RARB: variants seen among roughly 807,000 people sequenced by gnomAD.
RARB encodes HBV-activated protein.
A neutral mutation model predicts 51.9 loss-of-function variants in RARB; 17 were observed. The observed-to-expected ratio is 0.33, with a 90% CI of 0.22 to 0.49. The LOEUF (loss-of-function observed/expected upper bound fraction) is 0.49. RARB is among the 20% of genes least tolerant of loss of function. RARB has a pLI of 0.99. For synonymous variants in RARB, 215 were observed against 195.4 expected, an observed-to-expected ratio of 1.10 and a Z score of -0.84; for missense variants, 369 against 550.8, an observed-to-expected ratio of 0.67 and a Z score of 3.30.
intron 5 of RARB, among the ~76,000 whole-genome samples, chr3:25,283,321 G>A (rs537960123): frequency 2.0e-5 from 3 of 152,322 alleles, no homozygotes; most frequent in African/African-American, 7.2e-5. Flanking sequence ...AGAGCTCTGA[G>A]AATAGCAACT....
chr3:25,173,869 T>C (rs547586552), intron 4 of RARB, among the ~76,000 whole-genome samples: 3 of 152,302 alleles, frequency 2.0e-5, no homozygotes, highest in Non-Finnish European at 4.4e-5. Flanking sequence ...CAGAGTGATA[T>C]AGTCAAATAA....
At chr3:25,055,049 C>T (rs1698409184) in intron 2 of RARB, among the ~76,000 whole-genome samples, 1 of 152,080 alleles carries the variant, frequency 6.6e-6, no homozygotes, top group Non-Finnish European at 1.5e-5. Flanking sequence ...ATTGTGACAC[C>T]GGTTTCAGAA....
chr3:24,874,404 A>G (rs1703004883), intron 2 of RARB, among the ~76,000 whole-genome samples: 1 of 152,052 alleles, frequency 6.6e-6, no homozygotes, highest in African/African-American at 2.4e-5. Context: ...AAGATTTGTT[A>G]GAATCTTCCA....
chr3:25,026,462 T>G (rs926326063), intron 2 of RARB, among the ~76,000 whole-genome samples: 1 of 152,338 alleles, frequency 6.6e-6, no homozygotes, highest in African/African-American at 2.4e-5. Context: ...TCTTGCCATG[T>G]GCTCACGTGG....
intron 5 of RARB, among the ~76,000 whole-genome samples, chr3:25,395,066 A>G (rs1286130906): frequency 6.6e-6 from 1 of 152,136 alleles, no homozygotes; most frequent in Non-Finnish European, 1.5e-5. Flanking sequence ...CAAGATTCAG[A>G]GCTCCTTTTA....
chr3:25,331,799 G>C (rs1704904916), intron 5 of RARB, among the ~76,000 whole-genome samples: 1 of 152,068 alleles, frequency 6.6e-6, no homozygotes, highest in East Asian at 1.9e-4. Flanking sequence ...AAGAAGAAAA[G>C]AGAGAAGAAT....
chr3:25,149,060 C>A (rs1700240467), intron 4 of RARB, among the ~76,000 whole-genome samples: 1 of 152,264 alleles, frequency 6.6e-6, no homozygotes, highest in South Asian at 2.1e-4. Context: ...ACATGGCCAT[C>A]CCATCACCTT....
At chr3:25,153,556 G>A (rs1700327067) in intron 4 of RARB, among the ~76,000 whole-genome samples, 1 of 152,124 alleles carries the variant, frequency 6.6e-6, no homozygotes, top group African/African-American at 2.4e-5. Flanking sequence ...TGTGCACTGG[G>A]CCAATATAAA....
chr3:24,873,985 A>AT (rs1477031778), intron 2 of RARB, among the ~76,000 whole-genome samples: 1 of 152,084 alleles, frequency 6.6e-6, no homozygotes, highest in East Asian at 1.9e-4. Context: ...CAAAATACTG[A>AT]TAAAAATATA....
At chr3:24,908,411 C>T (rs1193578970) in intron 2 of RARB, among the ~76,000 whole-genome samples, 1 of 152,086 alleles carries the variant, frequency 6.6e-6, no homozygotes, top group Non-Finnish European at 1.5e-5. Flanking sequence ...CATTGAAAGT[C>T]AATACACCTA....
At chr3:25,337,044 C>A (rs1169956543) in intron 5 of RARB, among the ~76,000 whole-genome samples, 1 of 152,138 alleles carries the variant, frequency 6.6e-6, no homozygotes, top group Non-Finnish European at 1.5e-5. Context: ...AAATTACTTT[C>A]TAGTAGAGCT....
At chr3:25,048,955 T>C (rs1427151501) in intron 2 of RARB, among the ~76,000 whole-genome samples, 1 of 152,056 alleles carries the variant, frequency 6.6e-6, no homozygotes, top group Non-Finnish European at 1.5e-5. Flanking sequence ...GGTTTCACCG[T>C]GTTAGCCAGG....
intron 3 of RARB, among the ~76,000 whole-genome samples, chr3:25,127,305 A>C (rs12637631): frequency 0.53 from 80,964 of 151,882 alleles, 21,956 homozygotes; most frequent in East Asian, 0.7. Context: ...GGGCCTTGCC[A>C]CGGCCCACCA....
At position 25,037,259 on chromosome 3, in the gene RARB, C is replaced by CTT. The variant is rs35430060; in HGVS notation, c.-379-22853_-379-22852dup. On this transcript the variant is annotated intron_variant, in intron 2 of 11. Coordinates refer to the RARB transcript ENST00000383772. The stretch of plus-strand genomic sequence containing the variant: ...GCACGTTTTAAAGGAATTTCACCAG[C>CTT]TTTTTTTTTTTTTTCCTGTTGGCCA... Among the ~76,000 whole-genome samples, 572 of 143,980 alleles carry CTT rather than the reference C, an allele frequency of 4.0e-3. 5 individuals carry two copies. Among genetic ancestry groups the CTT allele is most frequent in the African/African-American group, 0.013 (507 of 39,210 alleles). 94.5% of individuals were successfully genotyped at this position (143,980 alleles called of 152,430 possible). A position where few individuals can be genotyped will look rare whatever the true frequency, so the allele number is the denominator to read the frequency against.
rs80037944 is a variant in RARB, at chr3:24,881,998, A to G, written c.-380+23246A>G. Among the ~76,000 whole-genome samples, 2,223 of 152,342 alleles carry G rather than the reference A, an allele frequency of 0.015. 95 individuals carry two copies. The East Asian group carries it at 0.16, about 11-fold the overall frequency. ...TAATTATGTGCCACATGACTCAGCT[A>G]TAGATTATATGAATATTGCCATAAC... On this transcript the variant is annotated intron_variant, in intron 2 of 11. Coordinates refer to the RARB transcript ENST00000383772.
intron 3 of RARB, among the ~76,000 whole-genome samples, chr3:25,063,231 TTG>T (rs1380593993): frequency 6.6e-6 from 1 of 151,996 alleles, no homozygotes; most frequent in East Asian, 1.9e-4. Flanking sequence ...ATCATACAAA[TTG>T]TATTTTGAGG....
intron 5 of RARB, among the ~76,000 whole-genome samples, chr3:25,177,330 A>T (rs1700774681): frequency 6.6e-6 from 1 of 152,346 alleles, no homozygotes; most frequent in Non-Finnish European, 1.5e-5. Context: ...ATGTACTGAG[A>T]TTAGTAGGAA....
chr3:25,156,904 T>G (rs1700383993), intron 4 of RARB, among the ~76,000 whole-genome samples: 1 of 152,228 alleles, frequency 6.6e-6, no homozygotes, highest in Admixed American at 6.5e-5. Flanking sequence ...TCAGTTAAAC[T>G]TCTGGCTAAC....
At chr3:24,894,772 A>G (rs1159797271) in intron 2 of RARB, among the ~76,000 whole-genome samples, 1 of 152,222 alleles carries the variant, frequency 6.6e-6, no homozygotes, top group Non-Finnish European at 1.5e-5. Context: ...TAATATATCA[A>G]TTATGTGTTT....
Sources: gnomAD v4.1 joint callset for allele counts (sites outside exome capture counted in the v4.1 genomes callset) on GRCh38, gnomAD v4.1.1 for gene constraint, MANE v1.5 for transcripts, NCBI Gene and HGNC (gene_info 2026-07-23, HGNC 2026-07-21) for gene names.